Variants in WDR27 observed in about 807,000 individuals in gnomAD.
The protein encoded by WDR27 is WD repeat domain 27, also known as WD repeat-containing protein 27.
A neutral mutation model predicts 114.4 loss-of-function variants in WDR27; 100 were observed. That is an observed-to-expected ratio of 0.87 (90% CI 0.74 to 1.03). The LOEUF is 1.03. WDR27 is among the 50% of genes least tolerant of loss of function. The pLI is 0.00. For synonymous variants in WDR27, 449 were observed against 423.1 expected (o/e 1.06, Z -0.75); for missense variants, 1,129 against 1,092.9 (o/e 1.03, Z -0.47).
chr6:169,698,071 G>A (rs1335318787), intron 1 of WDR27, among the ~76,000 whole-genome samples: 3 of 152,144 alleles, frequency 2.0e-5, no homozygotes, highest in South Asian at 2.1e-4. Flanking sequence ...CAGAAACAAT[G>A]GTGTGAAGCC....
intron 25 of WDR27, among the ~76,000 whole-genome samples, chr6:169,555,787 T>C (rs1340098349): frequency 6.6e-6 from 1 of 152,188 alleles, no homozygotes; most frequent in Non-Finnish European, 1.5e-5. Context: ...AAATATCTTC[T>C]GAAATTACAA....
intron 25 of WDR27, among the ~76,000 whole-genome samples, chr6:169,464,373 A>G (rs1488223309): frequency 1.3e-5 from 2 of 152,188 alleles, no homozygotes; most frequent in Admixed American, 6.5e-5. Context: ...CAGCACAGAG[A>G]AAAACTACCT....
rs572749874 is a variant in WDR27, at chr6:169,572,049, G to T, written c.2645+370C>A. 7.2e-5 allele frequency among the ~76,000 whole-genome samples: 11 copies of T among 152,158 alleles called. No individual in the cohort carries two copies. The East Asian group carries it at 2.1e-3, about 29-fold the overall frequency. On this transcript the variant is annotated intron_variant, in intron 25 of 25. Coordinates refer to ENST00000448612, the MANE Select transcript of WDR27 (RefSeq NM_182552.5). ...GATCTCTGGAGGAAAAATTTTCTAG[G>T]CCTAAGGTAATCAGAATAAATCAAA...
intron 25 of WDR27, among the ~76,000 whole-genome samples, chr6:169,540,825 G>A (rs1315798756): frequency 6.6e-6 from 1 of 152,058 alleles, no homozygotes; most frequent in Admixed American, 6.6e-5. Flanking sequence ...AGACATAGCT[G>A]AGGCCTGAGA....
chr6:169,460,633 G>A lies in WDR27; in HGVS notation c.2646-2999C>T, dbSNP rs114563847. 5.6e-3 allele frequency among the ~76,000 whole-genome samples: 851 copies of A among 152,192 alleles called. 11 individuals carry two copies. The highest frequency in any genetic ancestry group is 0.019 in the African/African-American group (786 of 41,542). ...GTAAATGGATTAAATTCTCCAATGAGAAGGCAGATTGACAGAATGGATTAA... is the reference window on the plus strand; with the variant it reads ...GTAAATGGATTAAATTCTCCAATGAAAAGGCAGATTGACAGAATGGATTAA... On this transcript the variant is annotated intron_variant, in intron 25 of 25. Coordinates refer to ENST00000448612, the MANE Select transcript of WDR27 (RefSeq NM_182552.5).
At chr6:169,467,029 C>T (rs573049297) in intron 25 of WDR27, among the ~76,000 whole-genome samples, 19 of 152,312 alleles carry the variant, frequency 1.2e-4, no homozygotes, top group Middle Eastern at 3.4e-3. Flanking sequence ...AAAGGGGCTA[C>T]AGGTCCCAGA....
chr6:169,578,420 G>A (rs1282961759), intron 24 of WDR27, among the ~76,000 whole-genome samples: 1 of 152,204 alleles, frequency 6.6e-6, no homozygotes, highest in Non-Finnish European at 1.5e-5. Context: ...TGAATGGCAA[G>A]TCTATCTAGA....
the WDR27 span, among the ~76,000 whole-genome samples, chr6:169,428,793 G>A: frequency 6.6e-6 from 1 of 152,204 alleles, no homozygotes; most frequent in Non-Finnish European, 1.5e-5. Context: ...CACAGAAGAT[G>A]TCCACGTGGT....
the WDR27 span, among the ~76,000 whole-genome samples, chr6:169,446,115 G>C: frequency 6.6e-6 from 1 of 152,262 alleles, no homozygotes; most frequent in Non-Finnish European, 1.5e-5. Flanking sequence ...CGGCCCGGAC[G>C]GAGGGCGAGC....
chr6:169,667,937 A>C (rs1418514098), intron 5 of WDR27, 45 bp downstream of exon 5: 1 of 1,550,186 alleles, frequency 6.5e-7, no homozygotes, highest in Non-Finnish European at 8.7e-7. Context: ...AGTTCTTTCC[A>C]CAGCACGTGC....
At chr6:169,648,745 A>G (rs1254956967) in intron 15 of WDR27, among the ~76,000 whole-genome samples, 1 of 152,230 alleles carries the variant, frequency 6.6e-6, no homozygotes, top group Non-Finnish European at 1.5e-5. Context: ...CTGTCCAGTC[A>G]CAAGGGGCCC....
intron 25 of WDR27, among the ~76,000 whole-genome samples, chr6:169,532,843 T>C (rs890788994): frequency 1.4e-5 from 2 of 147,990 alleles, no homozygotes; most frequent in Admixed American, 6.7e-5. Context: ...AAAAAAAAGA[T>C]GCTTCAGATG....
rs77253600 is a variant in WDR27 at position 169,574,529 on chromosome 6, C to T, written c.2524-1989G>A. On this transcript the variant is annotated intron_variant, in intron 24 of 25. Transcript: ENST00000448612. ...AAACAAGATCGGTGAGTGCCACATC[C>T]GCCCCAGGTGACACACTCGAAAGCA... 3.3e-3 allele frequency among the ~76,000 whole-genome samples: 501 copies of T among 152,280 alleles called. 6 individuals are homozygous for T. Among genetic ancestry groups the T allele is most frequent in the East Asian group, 0.03 (156 of 5,184 alleles).
At chr6:169,670,830 T>A in intron 3 of WDR27, 137 bp from the exon 4 acceptor site, 1 of 1,248,312 alleles carries the variant, frequency 8.0e-7, no homozygotes, top group Non-Finnish European at 1.1e-6. Context: ...GTGATTTTGA[T>A]TCTTTAAGAA....
chr6:169,552,364 C>T (rs1361564103), intron 25 of WDR27, among the ~76,000 whole-genome samples: 2 of 152,168 alleles, frequency 1.3e-5, no homozygotes. Context: ...GCTGAAACGC[C>T]AGCTCCACGA....
intron 24 of WDR27, among the ~76,000 whole-genome samples, chr6:169,573,774 C>A (rs1801824684): frequency 6.6e-6 from 1 of 152,240 alleles, no homozygotes; most frequent in South Asian, 2.1e-4. Flanking sequence ...GCTTCCTGTT[C>A]TTCCTGAACT....
At chr6:169,689,930 G>A (rs1784026083) in intron 1 of WDR27, among the ~76,000 whole-genome samples, 1 of 152,044 alleles carries the variant, frequency 6.6e-6, no homozygotes, top group African/African-American at 2.4e-5. Flanking sequence ...TGGTCATGTG[G>A]ATTCAGAGGA....
chr6:169,514,891 A>C (rs1489586860), intron 25 of WDR27, among the ~76,000 whole-genome samples: 1 of 151,588 alleles, frequency 6.6e-6, no homozygotes, highest in African/African-American at 2.4e-5. Flanking sequence ...AAAAATAATA[A>C]TTACTTTTTA....
At chr6:169,579,777 T>C (rs1803068629) in intron 24 of WDR27, among the ~76,000 whole-genome samples, 2 of 152,182 alleles carry the variant, frequency 1.3e-5, no homozygotes, top group Admixed American at 1.3e-4. Context: ...ATGCGTGCTG[T>C]TCGGGGCCAC....
Sources: allele counts gnomAD v4.1 joint callset (sites outside exome capture counted in the v4.1 genomes callset), GRCh38; gene constraint gnomAD v4.1.1; transcripts MANE v1.5; gene names NCBI Gene and HGNC (gene_info 2026-07-23, HGNC 2026-07-21).